RAD52: variants seen among roughly 807,000 people sequenced by gnomAD.
The protein encoded by RAD52 is DNA repair protein RAD52 homolog.
RAD52 carries 47 observed loss-of-function variants against 55.5 expected under a neutral mutation model. That is an observed-to-expected ratio of 0.85 (90% CI 0.67 to 1.08). The LOEUF is 1.08. Among genes scored for constraint, RAD52 ranks in the 50% least tolerant of loss-of-function variants. The pLI, the probability that RAD52 is intolerant of heterozygous loss-of-function variation, is 0.00. For missense variants in RAD52, 468 were observed against 522.8 expected, an observed-to-expected ratio of 0.90 and a Z score of 1.02; for synonymous variants, 184 against 198.9, an observed-to-expected ratio of 0.92 and a Z score of 0.63.
At chr12:930,222 T>G (rs1957255387) in intron 3 of RAD52, 78 bp from the exon 4 acceptor site, 1 of 1,158,372 alleles carries the variant, frequency 8.6e-7, no homozygotes, top group African/African-American at 1.6e-5. Context: ...ATTGACATAA[T>G]TTATTCCTCA....
intron 9 of RAD52, among the ~76,000 whole-genome samples, chr12:915,659 C>G (rs776120786): frequency 5.3e-5 from 8 of 152,186 alleles, no homozygotes; most frequent in Non-Finnish European, 8.8e-5. Flanking sequence ...CCGTTATTCT[C>G]AATCCCAATT....
intron 1 of RAD52, among the ~76,000 whole-genome samples, chr12:979,089 AG>A (rs1958975079): frequency 6.6e-6 from 1 of 152,184 alleles, no homozygotes; most frequent in Non-Finnish European, 1.5e-5. Context: ...TATAGATTTT[AG>A]CCCTAACCCC....
intron 1 of RAD52, among the ~76,000 whole-genome samples, chr12:971,497 T>C (rs1270408982): frequency 1.3e-5 from 2 of 152,122 alleles, no homozygotes; most frequent in Non-Finnish European, 2.9e-5. Flanking sequence ...CAGGCAGCCA[T>C]GGTCAGATCA....
At chr12:915,196 A>G (rs1251919947) in intron 9 of RAD52, among the ~76,000 whole-genome samples, 1 of 152,156 alleles carries the variant, frequency 6.6e-6, no homozygotes, top group East Asian at 1.9e-4. Context: ...TTAAAATAAC[A>G]ATGGCTCGGG....
intron 1 of RAD52, among the ~76,000 whole-genome samples, chr12:955,491 T>C (rs918593907): frequency 6.6e-6 from 1 of 151,624 alleles, no homozygotes; most frequent in African/African-American, 2.4e-5. Flanking sequence ...TTTTTTTTTT[T>C]GAGACGGAGT....
At chr12:980,196 C>G (rs552783187) in intron 1 of RAD52, among the ~76,000 whole-genome samples, 1 of 145,480 alleles carries the variant, frequency 6.9e-6, no homozygotes, top group Non-Finnish European at 1.5e-5. Context: ...TCTTGGCCAG[C>G]GGGGGGTGGA....
intron 3 of RAD52, among the ~76,000 whole-genome samples, chr12:930,388 AT>A (rs961060582): frequency 3.3e-5 from 5 of 151,508 alleles, no homozygotes; most frequent in African/African-American, 9.7e-5. Flanking sequence ...GTTAAAAAAA[AT>A]TTTTTTTTCA....
At position 988,597 on chromosome 12, in the gene RAD52, A is replaced by G. The variant is rs534688365; in HGVS notation, c.-19+1212T>C. ...CAGGCTGTACAGGAAGCAAGGCACT[A>G]GCATCTGCTCAGTTCTGGTGAGGGT... On this transcript the variant is annotated intron_variant, in intron 1 of 11. Transcript: ENST00000430095. Among the ~76,000 whole-genome samples, 7 of 152,328 alleles carry G rather than the reference A, an allele frequency of 4.6e-5. No homozygotes were observed. The South Asian group carries it at 1.5e-3, about 32-fold the overall frequency.
In RAD52 at chr12:933,095, GAA is replaced by G. The variant is rs56170870; in HGVS notation, c.-18-21_-18-20del. The G allele has an allele frequency of 8.8e-6, 12 of 1,365,870 alleles. No individual in the cohort carries two copies. The highest frequency in any genetic ancestry group is 1.1e-5 in the Non-Finnish European group (11 of 997,920). The allele number at this position is 1,365,870 out of a possible 1,614,324, so 84.6% of individuals were successfully genotyped here. On this transcript the variant is annotated intron_variant, in intron 1 of 11. Coordinates refer to ENST00000358495, the MANE Select transcript of RAD52 (RefSeq NM_134424.4). The stretch of plus-strand genomic sequence containing the variant: ...TTGACCTCTATATAAATAAAAAGCG[GAA>G]AAAAAAAACAACCCTCAAAGAATGT...
intron 9 of RAD52, among the ~76,000 whole-genome samples, chr12:914,775 C>T (rs774863879): frequency 1.3e-5 from 2 of 152,192 alleles, no homozygotes; most frequent in Non-Finnish European, 2.9e-5. Flanking sequence ...TCTCCTTTCA[C>T]AGCAAAAGTA....
intron 1 of RAD52, among the ~76,000 whole-genome samples, chr12:960,721 C>T (rs1021447822): frequency 6.6e-6 from 1 of 152,126 alleles, no homozygotes; most frequent in African/African-American, 2.4e-5. Context: ...CCCTTCTTAG[C>T]CTCCCAAAGT....
At chr12:919,525 TG>T (rs1956594680) in intron 7 of RAD52, among the ~76,000 whole-genome samples, 1 of 151,688 alleles carries the variant, frequency 6.6e-6, no homozygotes, top group Non-Finnish European at 1.5e-5. Context: ...GCAGGTGGAT[TG>T]ATCACTTGAG....
chr12:934,116 A>AC (rs1957485412), intron 1 of RAD52, among the ~76,000 whole-genome samples: 2 of 150,916 alleles, frequency 1.3e-5, no homozygotes, highest in African/African-American at 4.9e-5. Context: ...AAAAAAAAAA[A>AC]AACAAAAAAA....
At chr12:974,923 G>T (rs1382173617) in intron 1 of RAD52, 1 of 152,132 alleles carries the variant, frequency 6.6e-6, no homozygotes, top group Non-Finnish European at 1.5e-5. Flanking sequence ...TCCAACACCT[G>T]TGGTTACAGT....
chr12:951,421 C>T (rs1412424319), upstream of RAD52, among the ~76,000 whole-genome samples: 2 of 152,136 alleles, frequency 1.3e-5, no homozygotes, highest in Non-Finnish European at 2.9e-5. Flanking sequence ...GCCCTTTGCC[C>T]CCTTTTTAGT....
chr12:944,546 T>C (rs997979642), intron 1 of RAD52, among the ~76,000 whole-genome samples: 4 of 149,926 alleles, frequency 2.7e-5, no homozygotes, highest in African/African-American at 9.9e-5. Context: ...AAATTAAATA[T>C]GTATCTGTCA....
At chr12:929,915 G>C (rs777064698) in intron 4 of RAD52, 29 bp from the exon 5 acceptor site, 1 of 1,602,148 alleles carries the variant, frequency 6.2e-7, no homozygotes, top group African/African-American at 1.3e-5. Flanking sequence ...GCAAGTTGAA[G>C]AGGACACTGA....
Position 913,229 on chromosome 12 carries a change from T to C in RAD52, c.*162A>G, listed in dbSNP as rs1255615635. On this transcript the variant is annotated 3_prime_UTR_variant, in exon 12 of 12. Coordinates refer to ENST00000358495, the MANE Select transcript of RAD52 (RefSeq NM_134424.4). ...CTTTTCAAAAGTGCTCAGCTCTAAC[T>C]GCAGTGGGCTCTCAGTCAGATCCTC... 4 of 668,354 alleles carry C rather than the reference T, an allele frequency of 6.0e-6. No homozygotes were observed. The highest frequency in any genetic ancestry group is 1.1e-5 in the Non-Finnish European group (4 of 380,580). 41.4% of individuals were successfully genotyped at this position (668,354 alleles called of 1,614,324 possible).
chr12:987,864 ATTTTCTT>A (rs1464433094), intron 1 of RAD52, among the ~76,000 whole-genome samples: 2 of 151,496 alleles, frequency 1.3e-5, no homozygotes, highest in Non-Finnish European at 2.9e-5. Flanking sequence ...ACCCGGCCCT[ATTTTCTT>A]TTTTCTTTTT....
Sources: allele counts gnomAD v4.1 joint callset (sites outside exome capture counted in the v4.1 genomes callset), GRCh38; gene constraint gnomAD v4.1.1; transcripts MANE v1.5; gene names NCBI Gene and HGNC (gene_info 2026-07-23, HGNC 2026-07-21).